COL25A1: variants seen among roughly 807,000 people sequenced by gnomAD.
COL25A1 encodes collagen type XXV alpha 1 chain, also known as collagen alpha-1(XXV) chain.
A neutral mutation model predicts 128.4 loss-of-function variants in COL25A1; 103 were observed. That is an observed-to-expected ratio of 0.80 (90% CI 0.68 to 0.94). COL25A1 has a LOEUF of 0.94. Ranked by LOEUF, COL25A1 falls within the 40% of genes least tolerant of loss-of-function variation. The pLI is 0.00. For synonymous variants in COL25A1, 279 were observed against 277.2 expected, an observed-to-expected ratio of 1.01 and a Z score of -0.06; for missense variants, 745 against 840.0, an observed-to-expected ratio of 0.89 and a Z score of 1.40.
chr4:109,162,270 G>A lies in COL25A1; in HGVS notation c.368-112091C>T, dbSNP rs1772651843. Among the ~76,000 whole-genome samples, 4 of 152,116 alleles carry A rather than the reference G, an allele frequency of 2.6e-5. No homozygotes were observed. In the South Asian group the frequency reaches 8.3e-4, roughly 31 times the overall value. On this transcript the variant is annotated intron_variant, in intron 3 of 37. Transcript: ENST00000399132. ...ATAGGGCATTTTTGGTACATGCAAA[G>A]GCCCAAAAATAGAAATTAGCAAATC...
chr4:109,092,107 G>A (rs1006723350), intron 3 of COL25A1, among the ~76,000 whole-genome samples: 1 of 152,162 alleles, frequency 6.6e-6, no homozygotes, highest in Non-Finnish European at 1.5e-5. Flanking sequence ...ATGCAATAAA[G>A]AAAGCTATCT....
rs572574887 is a variant in COL25A1, at chr4:108,855,175, T to C, written c.1321-2250A>G. 2.2e-4 allele frequency among the ~76,000 whole-genome samples: 32 copies of C among 145,668 alleles called. No individual in the cohort carries two copies. The South Asian group carries it at 6.2e-3, about 28-fold the overall frequency. ...CCACTGTTCCACTCCAATTTCTGAT[T>C]TGAGCTGTTGTTACTGTTTTTTTTT... On this transcript the variant is annotated intron_variant, in intron 24 of 37. Coordinates refer to ENST00000399132, the MANE Select transcript of COL25A1 (RefSeq NM_198721.4).
intron 5 of COL25A1, among the ~76,000 whole-genome samples, chr4:109,012,680 C>G (rs1405125926): frequency 6.6e-6 from 1 of 152,164 alleles, no homozygotes; most frequent in Non-Finnish European, 1.5e-5. Context: ...CCGCACCACG[C>G]TTGAATTCTC....
chr4:108,825,154 A>T, intron 34 of COL25A1, 42 bp downstream of exon 34: 1 of 1,489,110 alleles, frequency 6.7e-7, no homozygotes, highest in South Asian at 1.1e-5. Flanking sequence ...GACCATCAAC[A>T]TCTATTATAA....
chr4:109,046,760 C>T lies in COL25A1; in HGVS notation c.420+1408G>A, dbSNP rs115841783. Among the ~76,000 whole-genome samples the T allele has an allele frequency of 7.7e-4, 118 of 152,294 alleles. 1 individual carries two copies. Among genetic ancestry groups the T allele is most frequent in the African/African-American group, 2.6e-3 (109 of 41,568 alleles). ...CCTCTGAATAAAGTAAATAAGTACA[C>T]GCTAAGCCCCTGTCCCTGGACCATG... On this transcript the variant is annotated intron_variant, in intron 5 of 37. Coordinates refer to ENST00000399132, the MANE Select transcript of COL25A1 (RefSeq NM_198721.4).
chr4:109,254,859 G>C (rs538150666), intron 3 of COL25A1, among the ~76,000 whole-genome samples: 1 of 152,192 alleles, frequency 6.6e-6, no homozygotes, highest in Non-Finnish European at 1.5e-5. Flanking sequence ...AAAGACTTCT[G>C]TATGTCTCTA....
At chr4:109,002,392 A>T (rs886396628) in intron 6 of COL25A1, among the ~76,000 whole-genome samples, 1 of 152,198 alleles carries the variant, frequency 6.6e-6, no homozygotes, top group African/African-American at 2.4e-5. Context: ...AAAAAAGACT[A>T]CCCTGCCATT....
intron 3 of COL25A1, among the ~76,000 whole-genome samples, chr4:109,096,801 A>C (rs1473249696): frequency 6.6e-6 from 1 of 152,262 alleles, no homozygotes; most frequent in Non-Finnish European, 1.5e-5. Context: ...AGTTCCTGAC[A>C]AATAGCTATT....
In COL25A1 at chr4:109,104,460, T is replaced by C. The variant is rs952203203; in HGVS notation, c.368-54281A>G. ...ATGAATTAATGGTTCCAATCAATGT[T>C]TACTAAAGTCAGATAAAGGAGAGCA... is the stretch of plus-strand genomic sequence containing the variant. On this transcript the variant is annotated intron_variant, in intron 3 of 37. Transcript: ENST00000399132. 2.0e-5 allele frequency among the ~76,000 whole-genome samples: 3 copies of C among 152,062 alleles called. No individual in the cohort carries two copies. In the East Asian group the frequency reaches 5.8e-4, roughly 29 times the overall value.
chr4:109,182,008 T>C (rs1384179508), intron 3 of COL25A1, among the ~76,000 whole-genome samples: 1 of 152,184 alleles, frequency 6.6e-6, no homozygotes, highest in Non-Finnish European at 1.5e-5. Context: ...GGTTCATTTA[T>C]GTTGCCACAA....
At chr4:108,957,294 C>T (rs9990853) in intron 8 of COL25A1, among the ~76,000 whole-genome samples, 67,008 of 151,796 alleles carry the variant, frequency 0.44, 16,228 homozygotes, top group East Asian at 0.75. Context: ...TGAGATGGGA[C>T]GTGAGAGGTA....
intron 3 of COL25A1, among the ~76,000 whole-genome samples, chr4:109,195,421 T>C (rs1775955188): frequency 6.6e-6 from 1 of 152,230 alleles, no homozygotes; most frequent in Non-Finnish European, 1.5e-5. Context: ...CGACTTATCT[T>C]AATAGATCTT....
intron 26 of COL25A1, among the ~76,000 whole-genome samples, chr4:108,850,609 C>A (rs765255821): frequency 6.6e-6 from 1 of 152,100 alleles, no homozygotes; most frequent in Non-Finnish European, 1.5e-5. Context: ...CAACTCAAAG[C>A]CACCCTTGGC....
Position 108,862,579 on chromosome 4 carries a change from A to G in COL25A1, c.1153-34T>C, listed in dbSNP as rs762105047. 4.5e-6 allele frequency: 7 copies of G among 1,570,060 alleles called. No homozygotes were observed. The East Asian group carries it at 1.1e-4, about 25-fold the overall frequency. On this transcript the variant is annotated intron_variant, in intron 21 of 37. Transcript: ENST00000399132. ...GCAGAATAAGAGGATGAAAAAGATA[A>G]AATTATAGAAGAGATAAGAACAGAA...
At chr4:108,817,371 T>G in intron 37 of COL25A1, 26 bp downstream of exon 37, 2 of 1,611,546 alleles carry the variant, frequency 1.2e-6, no homozygotes, top group Non-Finnish European at 1.7e-6. Flanking sequence ...AGTGCTTCTT[T>G]TGAGAAATTA....
intron 8 of COL25A1, among the ~76,000 whole-genome samples, chr4:108,959,925 T>G (rs1266839000): frequency 6.6e-6 from 1 of 152,138 alleles, no homozygotes; most frequent in Admixed American, 6.5e-5. Context: ...CCCCTCTTCC[T>G]GAAACTCCTC....
At chr4:108,949,821 C>T (rs1749195120) in intron 8 of COL25A1, among the ~76,000 whole-genome samples, 1 of 152,182 alleles carries the variant, frequency 6.6e-6, no homozygotes, top group African/African-American at 2.4e-5. Context: ...AGGCATGAGC[C>T]ACAGCGCCCA....
intron 3 of COL25A1, among the ~76,000 whole-genome samples, chr4:109,152,456 C>T (rs1771594342): frequency 6.6e-6 from 1 of 152,082 alleles, no homozygotes. Flanking sequence ...TTATTCTCCC[C>T]TGATAATATT....
chr4:108,877,244 C>G (rs1739552831), intron 19 of COL25A1, among the ~76,000 whole-genome samples: 1 of 152,188 alleles, frequency 6.6e-6, no homozygotes, highest in South Asian at 2.1e-4. Context: ...AGGGCCTCAT[C>G]ATCTCACACT....
Sources: gnomAD v4.1 joint callset for allele counts (sites outside exome capture counted in the v4.1 genomes callset) on GRCh38, gnomAD v4.1.1 for gene constraint, MANE v1.5 for transcripts, NCBI Gene and HGNC (gene_info 2026-07-23, HGNC 2026-07-21) for gene names.